Variants in CACHD1 observed in about 807,000 individuals in gnomAD.
The protein encoded by CACHD1 is cache domain containing 1.
CACHD1 carries 71 observed loss-of-function variants against 138.7 expected under a neutral mutation model. The ratio of observed to expected loss-of-function variants is 0.51; its 90% CI spans 0.42 to 0.62. The LOEUF is 0.62. Ranked by LOEUF, CACHD1 falls within the 20% of genes least tolerant of loss-of-function variation. The probability of loss-of-function intolerance (pLI) is 0.00; values close to 1 mark genes in which losing one functional copy is unlikely to be tolerated. For missense variants in CACHD1, 1,389 were observed against 1,625.3 expected (o/e 0.85, Z 2.50); for synonymous variants, 578 against 591.5 (o/e 0.98, Z 0.33).
chr1:64,555,663 T>G (rs886351273), intron 2 of CACHD1, among the ~76,000 whole-genome samples: 3 of 152,038 alleles, frequency 2.0e-5, no homozygotes, highest in Admixed American at 6.5e-5. Context: ...TCAGGTGATC[T>G]GTCCGCCTCA....
intron 1 of CACHD1, among the ~76,000 whole-genome samples, chr1:64,492,227 A>C (rs1432824215): frequency 6.7e-6 from 1 of 149,840 alleles, no homozygotes; most frequent in African/African-American, 2.4e-5. Context: ...ATTATTCTAT[A>C]CCTGCAGTTT....
rs1648353562 is a variant in CACHD1 at position 64,632,668 on chromosome 1, A to G, written c.714A>G (p.Ser238=). The change falls in exon 6 of 27, where the codon TCA becomes TCG. Residue 238 remains serine (S), a synonymous_variant. Coordinates refer to ENST00000651257, the MANE Select transcript of CACHD1 (RefSeq NM_020925.4). ...TAGTGATTCTGGACCACGGGGCTTC[A>G]GTCACAGACACTCAGCTTCAGATTG... ...HIVVILDHGA[S]VTDTQLQIAK... 2.5e-6 allele frequency: 4 copies of G among 1,614,162 alleles called. No homozygotes were observed. In the East Asian group the frequency reaches 8.9e-5, roughly 36 times the overall value.
chr1:64,519,005 C>G (rs1376003813), intron 1 of CACHD1, among the ~76,000 whole-genome samples: 3 of 152,116 alleles, frequency 2.0e-5, no homozygotes, highest in African/African-American at 7.2e-5. Context: ...CTCACAATAC[C>G]TTGAATTTCC....
chr1:64,638,954 C>G (rs759540830), intron 7 of CACHD1, among the ~76,000 whole-genome samples: 1 of 152,148 alleles, frequency 6.6e-6, no homozygotes, highest in Non-Finnish European at 1.5e-5. Flanking sequence ...AGCGAGGATT[C>G]TTACAGAGTG....
chr1:64,626,205 T>C (rs1553140376), intron 4 of CACHD1, among the ~76,000 whole-genome samples: 1 of 152,244 alleles, frequency 6.6e-6, no homozygotes, highest in Non-Finnish European at 1.5e-5. Context: ...ATTGTTCCAG[T>C]GACAGGCGGA....
chr1:64,660,529 TTTTA>T, intron 13 of CACHD1, among the ~76,000 whole-genome samples: 1 of 152,242 alleles, frequency 6.6e-6, no homozygotes, highest in Non-Finnish European at 1.5e-5. Context: ...GCTTTTTTTT[TTTTA>T]TTTATTTTTA....
intron 4 of CACHD1, among the ~76,000 whole-genome samples, chr1:64,603,783 A>C (rs773771826): frequency 6.6e-6 from 1 of 151,962 alleles, no homozygotes; most frequent in Non-Finnish European, 1.5e-5. Context: ...TGATATCTCC[A>C]CTTTTTTGCC....
chr1:64,670,203 G>A (rs1169901527), intron 16 of CACHD1, among the ~76,000 whole-genome samples: 3 of 152,112 alleles, frequency 2.0e-5, no homozygotes, highest in Non-Finnish European at 4.4e-5. Flanking sequence ...CTTGAGACTG[G>A]GGCAGGAGGA....
intron 1 of CACHD1, among the ~76,000 whole-genome samples, chr1:64,473,573 G>A (rs1004179064): frequency 1.3e-5 from 2 of 152,108 alleles, no homozygotes; most frequent in African/African-American, 4.8e-5. Flanking sequence ...TGGTCAGGGT[G>A]GGGGTGGAGA....
At chr1:64,474,985 C>A (rs1439096754) in intron 1 of CACHD1, among the ~76,000 whole-genome samples, 4 of 152,160 alleles carry the variant, frequency 2.6e-5, no homozygotes, top group Admixed American at 2.6e-4. Flanking sequence ...GAAGCAAGAA[C>A]TGGAGCTTCA....
At chr1:64,649,761 C>T (rs1649028159) in intron 9 of CACHD1, among the ~76,000 whole-genome samples, 1 of 152,228 alleles carries the variant, frequency 6.6e-6, no homozygotes, top group African/African-American at 2.4e-5. Flanking sequence ...AACCAAATCA[C>T]ATGTAGAACT....
chr1:64,664,823 T>C, intron 15 of CACHD1, 144 bp downstream of exon 15: 1 of 673,714 alleles, frequency 1.5e-6, no homozygotes. Flanking sequence ...AATAGTTTTT[T>C]CAGTGCAGCA....
intron 1 of CACHD1, among the ~76,000 whole-genome samples, chr1:64,477,865 A>C (rs531590357): frequency 1.1e-3 from 160 of 148,098 alleles, no homozygotes; most frequent in Middle Eastern, 3.6e-3. Flanking sequence ...CGATCTCCTG[A>C]CCTCGTGATC....
chr1:64,608,552 C>T (rs17126762), intron 4 of CACHD1, among the ~76,000 whole-genome samples: 8,505 of 152,272 alleles, frequency 0.056, 264 homozygotes, highest in Middle Eastern at 0.078. Context: ...CTTCATTTGT[C>T]CAAAACTGGG....
At chr1:64,487,632 T>TA (rs1646251021) in intron 1 of CACHD1, among the ~76,000 whole-genome samples, 1 of 151,364 alleles carries the variant, frequency 6.6e-6, no homozygotes, top group Non-Finnish European at 1.5e-5. Context: ...ACCTCCTTTT[T>TA]TAAAAAAAAA....
chr1:64,659,546 T>G (rs549716266), intron 13 of CACHD1, among the ~76,000 whole-genome samples: 1 of 152,330 alleles, frequency 6.6e-6, no homozygotes, highest in East Asian at 1.9e-4. Flanking sequence ...GTACCAGATG[T>G]TTTTTATTTT....
chr1:64,611,801 C>G (rs937953557), intron 4 of CACHD1, among the ~76,000 whole-genome samples: 1 of 152,206 alleles, frequency 6.6e-6, no homozygotes, highest in Non-Finnish European at 1.5e-5. Flanking sequence ...CTTCCACATT[C>G]TCAGGTATCT....
At chr1:64,524,112 C>G (rs1461887683) in intron 1 of CACHD1, among the ~76,000 whole-genome samples, 2 of 152,044 alleles carry the variant, frequency 1.3e-5, no homozygotes, top group Non-Finnish European at 2.9e-5. Flanking sequence ...ATTCCAACTT[C>G]CCGTAATGGT....
intron 1 of CACHD1, among the ~76,000 whole-genome samples, chr1:64,483,651 GT>G (rs1646223999): frequency 7.2e-6 from 1 of 138,498 alleles, no homozygotes; most frequent in Non-Finnish European, 1.5e-5. Flanking sequence ...CAAGACCAGT[GT>G]AGGCAACATG....
Sources: gnomAD v4.1 joint callset for allele counts (sites outside exome capture counted in the v4.1 genomes callset) on GRCh38, gnomAD v4.1.1 for gene constraint, MANE v1.5 for transcripts, NCBI Gene and HGNC (gene_info 2026-07-23, HGNC 2026-07-21) for gene names.